Variants in C8orf76 observed in about 807,000 individuals in gnomAD.
The protein encoded by C8orf76 is chromosome 8 open reading frame 76, also known as uncharacterized protein C8orf76.
C8orf76 carries 46 observed loss-of-function variants against 38.1 expected under a neutral mutation model. The ratio of observed to expected loss-of-function variants is 1.21; its 90% CI spans 0.95 to 1.54. The LOEUF (loss-of-function observed/expected upper bound fraction) is 1.54. Ranked by LOEUF, C8orf76 falls within the 40% of genes most tolerant of loss-of-function variation. The pLI is 0.00. For synonymous variants in C8orf76, 166 were observed against 167.5 expected (o/e 0.99, Z 0.07); for missense variants, 461 against 441.6 (o/e 1.04, Z -0.39).
intron 5 of C8orf76, among the ~76,000 whole-genome samples, chr8:123,220,664 G>A (rs1163254344): frequency 2.0e-5 from 3 of 152,210 alleles, no homozygotes; most frequent in South Asian, 2.1e-4. Context: ...TTCTGTTGGT[G>A]AGAATGCAAC....
chr8:123,223,516 G>A lies in C8orf76; in HGVS notation c.948+2984C>T, dbSNP rs141846257. 2.5e-3 allele frequency among the ~76,000 whole-genome samples: 378 copies of A among 152,316 alleles called. 2 individuals are homozygous for A. The highest frequency in any genetic ancestry group is 3.3e-3 in the Non-Finnish European group (222 of 68,030). On this transcript the variant is annotated intron_variant, in intron 5 of 5. Coordinates refer to ENST00000276704, the MANE Select transcript of C8orf76 (RefSeq NM_032847.3). ...CCACCTACTTGGGAGGCTGAGACAG[G>A]AGAATTGCTTGAACCTGGAAGGCAG...
chr8:123,234,401 G>A (rs932423323), intron 3 of C8orf76, among the ~76,000 whole-genome samples: 2 of 152,144 alleles, frequency 1.3e-5, no homozygotes, highest in African/African-American at 4.8e-5. Context: ...TTGGGAAGCC[G>A]AGGTGGGCAG....
intron 4 of C8orf76, 88 bp from the exon 5 acceptor site, chr8:123,226,720 A>T: frequency 6.7e-7 from 1 of 1,490,964 alleles, no homozygotes; most frequent in South Asian, 1.4e-5. Context: ...CAGAAAGCCC[A>T]GGTATTGAGT....
At chr8:123,222,712 T>C (rs1027496972) in intron 5 of C8orf76, among the ~76,000 whole-genome samples, 1 of 152,216 alleles carries the variant, frequency 6.6e-6, no homozygotes, top group African/African-American at 2.4e-5. Context: ...AAATTGTTCA[T>C]CTTAATAGTA....
At chr8:123,240,263 C>T (rs1474433622) in intron 1 of C8orf76, among the ~76,000 whole-genome samples, 1 of 152,060 alleles carries the variant, frequency 6.6e-6, no homozygotes, top group Non-Finnish European at 1.5e-5. Context: ...ATTTCCAAGC[C>T]CAATCCCTGT....
intron 4 of C8orf76, among the ~76,000 whole-genome samples, chr8:123,230,047 G>A (rs984422620): frequency 6.6e-6 from 1 of 151,986 alleles, no homozygotes; most frequent in African/African-American, 2.4e-5. Flanking sequence ...AATAAAATTT[G>A]CCAAATAGAT....
intron 3 of C8orf76, among the ~76,000 whole-genome samples, chr8:123,233,084 G>T (rs1302044861): frequency 6.6e-6 from 1 of 151,674 alleles, no homozygotes; most frequent in Non-Finnish European, 1.5e-5. Context: ...GCAATGGTGC[G>T]ATCTCAGCTC....
intron 3 of C8orf76, among the ~76,000 whole-genome samples, chr8:123,236,521 G>A (rs1825483649): frequency 6.6e-6 from 1 of 152,168 alleles, no homozygotes; most frequent in Admixed American, 6.5e-5. Context: ...GGGTGCAGTG[G>A]CTCACGCCTA....
In C8orf76 at chr8:123,236,871, C is replaced by G. The variant is rs192881732; in HGVS notation, c.357+927G>C. ...GCAGAGATGCAGATCTTTGTGAAGA[C>G]CCTCACAGGCAAGACCATCACCCTT... is the stretch of plus-strand genomic sequence containing the variant. On this transcript the variant is annotated intron_variant, in intron 3 of 5. Coordinates refer to ENST00000276704, the MANE Select transcript of C8orf76 (RefSeq NM_032847.3). 3 of 832,134 alleles carry G rather than the reference C, an allele frequency of 3.6e-6. No homozygotes were observed. In the African/African-American group the frequency reaches 5.0e-5, roughly 14 times the overall value. The allele number at this position is 832,134 out of a possible 1,614,324, so 51.5% of individuals were successfully genotyped here.
chr8:123,228,297 T>A (rs1162443625), intron 4 of C8orf76, among the ~76,000 whole-genome samples: 1 of 152,130 alleles, frequency 6.6e-6, no homozygotes, highest in Admixed American at 6.6e-5. Context: ...CTCCTTCTAA[T>A]CCAGCATCGC....
Position 123,239,121 on chromosome 8 carries a change from GCTTT to G in C8orf76, c.137_140del (p.Glu46AlafsTer8). On this transcript the variant is annotated frameshift_variant, in exon 2 of 6. Coordinates refer to ENST00000276704, the MANE Select transcript of C8orf76 (RefSeq NM_032847.3). LOFTEE classifies it high-confidence loss of function. ...GAGTCAGCACTTCAACATCATCACTGCTTTCTGTTTCTTCATAAAACCACTTGAA... is the reference window on the plus strand; with the variant it reads ...GAGTCAGCACTTCAACATCATCACTGCTGTTTCTTCATAAAACCACTTGAA... 4 of 1,614,084 alleles carry G rather than the reference GCTTT, an allele frequency of 2.5e-6. No individual in the cohort carries two copies. The highest frequency in any genetic ancestry group is 3.4e-6 in the Non-Finnish European group (4 of 1,180,000).
chr8:123,221,846 C>T (rs1347271490), intron 5 of C8orf76, among the ~76,000 whole-genome samples: 1 of 152,168 alleles, frequency 6.6e-6, no homozygotes, highest in African/African-American at 2.4e-5. Flanking sequence ...GAGTTGGAGG[C>T]TGCAGTGAGC....
chr8:123,235,522 C>G (rs564233042), intron 3 of C8orf76, among the ~76,000 whole-genome samples: 27 of 152,304 alleles, frequency 1.8e-4, no homozygotes, highest in African/African-American at 6.5e-4. Flanking sequence ...CGTGCAGACA[C>G]GCAAGGTCCG....
At chr8:123,220,495 T>C (rs16898165) in intron 5 of C8orf76, among the ~76,000 whole-genome samples, 198 bp from the exon 6 acceptor site, 17,591 of 152,220 alleles carry the variant, frequency 0.12, 3,094 homozygotes, top group African/African-American at 0.39. Flanking sequence ...TGCCCGATCT[T>C]ATCTGATCTC....
intron 5 of C8orf76, 89 bp downstream of exon 5, chr8:123,226,411 A>G: frequency 1.3e-6 from 2 of 1,558,248 alleles, no homozygotes; most frequent in Admixed American, 2.1e-5. Flanking sequence ...AGTAGATTAA[A>G]TTTGGCCCTG....
chr8:123,221,896 G>A (rs1321555096), intron 5 of C8orf76, among the ~76,000 whole-genome samples: 1 of 152,164 alleles, frequency 6.6e-6, no homozygotes, highest in East Asian at 1.9e-4. Context: ...GAGATAGAGT[G>A]AGACCCCACC....
chr8:123,230,150 G>T (rs1825198168), intron 4 of C8orf76, among the ~76,000 whole-genome samples: 1 of 152,070 alleles, frequency 6.6e-6, no homozygotes, highest in African/African-American at 2.4e-5. Flanking sequence ...AAACATGAGA[G>T]AGTCTGCTTC....
In C8orf76 at chr8:123,226,490, A is replaced by G; in HGVS notation, c.948+10T>C. The stretch of plus-strand genomic sequence containing the variant: ...GCTTCGTTTCACATAAACCCGAGGG[A>G]TACACTCACCTCAGCTATCAACAGC... On this transcript the variant is annotated intron_variant, in intron 5 of 5. Coordinates refer to ENST00000276704, the MANE Select transcript of C8orf76 (RefSeq NM_032847.3). 1 of 1,609,592 alleles carries G rather than the reference A, an allele frequency of 6.2e-7. No homozygotes were observed. Among genetic ancestry groups the G allele is most frequent in the African/African-American group, 1.3e-5 (1 of 74,728 alleles).
intron 3 of C8orf76, among the ~76,000 whole-genome samples, chr8:123,233,764 C>T (rs931448592): frequency 6.6e-6 from 1 of 151,810 alleles, no homozygotes; most frequent in African/African-American, 2.4e-5. Flanking sequence ...CGTGGTGGCT[C>T]ACATCTGTAA....
Sources: allele counts gnomAD v4.1 joint callset (sites outside exome capture counted in the v4.1 genomes callset), GRCh38; gene constraint gnomAD v4.1.1; transcripts MANE v1.5; gene names NCBI Gene and HGNC (gene_info 2026-07-23, HGNC 2026-07-21).